Variants in ZP1 observed in about 807,000 individuals in gnomAD.
ZP1 encodes the protein zona pellucida glycoprotein 1.
ZP1 carries 58 observed loss-of-function variants against 67.4 expected under a neutral mutation model. The observed-to-expected ratio is 0.86, with a 90% CI of 0.70 to 1.07. ZP1 has a LOEUF of 1.07. Ranked by LOEUF, ZP1 falls within the 50% of genes least tolerant of loss-of-function variation. ZP1 has a pLI of 0.00. For missense variants in ZP1, 759 were observed against 807.3 expected (o/e 0.94, Z 0.72); for synonymous variants, 333 against 332.7 (o/e 1.00, Z -0.01).
Position 60,867,725 on chromosome 11 carries a change from G to T in ZP1, c.164G>T (p.Arg55Met), listed in dbSNP as rs774929736. Residue 55 changes from arginine to methionine, a missense_variant, in exon 1 of 12, where the codon AGG (arginine) becomes ATG (methionine). Arg to Met is a moderately conservative substitution (Grantham distance 91). Transcript: ENST00000278853. Reference protein sequence around the residue: ...IKGMQLLVFPRPGQTLRFKVV... With the variant: ...IKGMQLLVFPMPGQTLRFKVV... ...GGAATGCAGCTGCTGGTGTTCCCCAGGCCAGGCCAGACTCTCCGCTTCAAG... is the reference window on the plus strand; with the variant it reads ...GGAATGCAGCTGCTGGTGTTCCCCATGCCAGGCCAGACTCTCCGCTTCAAG... 1 of 1,613,994 alleles carries T rather than the reference G, an allele frequency of 6.2e-7. No individual in the cohort carries two copies.
At chr11:60,873,860 C>T (rs1855644475) in intron 9 of ZP1, 85 bp downstream of exon 9, 5 of 1,559,604 alleles carry the variant, frequency 3.2e-6, no homozygotes, top group East Asian at 2.3e-5. Context: ...ACCCTGTGAA[C>T]TTATATGGAC....
Position 60,873,544 on chromosome 11 carries a change from G to C in ZP1, c.1410G>C (p.Gln470His). 1 of 1,612,702 alleles carries C rather than the reference G, an allele frequency of 6.2e-7. No individual in the cohort carries two copies. The highest frequency in any genetic ancestry group is 8.5e-7 in the Non-Finnish European group (1 of 1,179,004). ...GTGCCAACCCCTTCCAGCAGCCCCAGTGGCCCATCCTGTCAGACGGGTGAG... is the reference window on the plus strand; with the variant it reads ...GTGCCAACCCCTTCCAGCAGCCCCACTGGCCCATCCTGTCAGACGGGTGAG... ...APSANPFQQP[Q>H]WPILSDGCPF... is the part of the protein sequence containing the mutation. The change falls in exon 8 of 12, where the codon CAG becomes CAC. Residue 470 changes from glutamine (Q) to histidine (H), a missense_variant. Physicochemically the swap from Gln to His is conservative, Grantham distance 24. Transcript: ENST00000278853.
At chr11:60,869,033 T>A in intron 1 of ZP1, 112 bp from the exon 2 acceptor site, 1 of 1,334,388 alleles carries the variant, frequency 7.5e-7, no homozygotes, top group Non-Finnish European at 1.0e-6. Context: ...ATAGCAAAGC[T>A]AAGGCAAGAA....
chr11:60,875,624 G>A lies in ZP1; in HGVS notation c.1885G>A (p.Ala629Thr). The A allele has an allele frequency of 2.5e-6, 4 of 1,614,186 alleles. No individual in the cohort carries two copies. Among genetic ancestry groups the A allele is most frequent in the Non-Finnish European group, 2.5e-6 (3 of 1,180,030 alleles). Residue 629 changes from alanine to threonine, a missense_variant, in exon 12 of 12, where the codon GCC becomes ACC. Physicochemically the swap from Ala to Thr is moderately conservative, Grantham distance 58. Transcript: ENST00000278853. ...CTTTGTGGGCCTGAGCCAGACCTGG[G>A]CCCAGAAGCTCTGGGAAAGCAACAG... ...GVFVGLSQTW[A>T]QKLWESNRQ
chr11:60,875,578 C>T lies in ZP1; in HGVS notation c.1839C>T (p.Ala613=). The T allele has an allele frequency of 6.2e-7, 1 of 1,614,178 alleles. No individual in the cohort carries two copies. The highest frequency in any genetic ancestry group is 8.5e-7 in the Non-Finnish European group (1 of 1,180,020). ...CGGTCCTTTTGCTGCCAGCTGTTGC[C>T]CTGGTCCTTGGGTTTGGTGTCTTTG... is the stretch of plus-strand genomic sequence containing the variant. ...LWAVLLLPAV[A]LVLGFGVFVG... Residue 613 remains alanine (A), a synonymous_variant, in exon 12 of 12, where the codon GCC becomes GCT. Coordinates refer to ENST00000278853, the MANE Select transcript of ZP1 (RefSeq NM_207341.4).
intron 2 of ZP1, 57 bp downstream of exon 2, chr11:60,869,323 C>A (rs756988221): frequency 6.2e-6 from 10 of 1,601,948 alleles, no homozygotes; most frequent in Non-Finnish European, 8.5e-6. Flanking sequence ...TCATGTCAGG[C>A]TGAAGAGGCC....
intron 1 of ZP1, among the ~76,000 whole-genome samples, chr11:60,868,685 G>A (rs1590590067): frequency 6.6e-6 from 1 of 152,200 alleles, no homozygotes. Context: ...GTTAACCTGG[G>A]AAATGGGTTC....
At position 60,867,902 on chromosome 11, in the gene ZP1, A is replaced by G. The variant is rs1004918417; in HGVS notation, c.196+145A>G. On this transcript the variant is annotated intron_variant, in intron 1 of 11. Coordinates refer to ENST00000278853, the MANE Select transcript of ZP1 (RefSeq NM_207341.4). ...CAGCCCCCCACCCCCTCACCACAGA[A>G]AAGGGCAAGGAGGAGAATCATCACC... 4.3e-6 allele frequency: 4 copies of G among 926,472 alleles called. No homozygotes were observed. In the African/African-American group the frequency reaches 5.1e-5, roughly 12 times the overall value. The allele number at this position is 926,472 out of a possible 1,614,324, so 57.4% of individuals were successfully genotyped here.
intron 1 of ZP1, 48 bp downstream of exon 1, chr11:60,867,805 C>T: frequency 6.3e-7 from 1 of 1,582,562 alleles, no homozygotes. Context: ...CCACGGGCTG[C>T]TGCCAGAAGG....
rs371924805 is a variant in ZP1 at position 60,875,192 on chromosome 11, C to T, written c.1718C>T (p.Pro573Leu). Residue 573 changes from proline to leucine, a missense_variant, in exon 11 of 12, where the codon CCG becomes CTG. By Grantham distance (98) the Pro-to-Leu change is moderately conservative (BLOSUM62 -3). Coordinates refer to ENST00000278853, the MANE Select transcript of ZP1 (RefSeq NM_207341.4). ...AGGCCCCAGGACATCGTGAGCTCTC[C>T]GGGGCCAGTGGGCTTTGAGGATTCT... ...TARPQDIVSS[P>L]GPVGFEDSYG... 82 of 1,613,660 alleles carry T rather than the reference C, an allele frequency of 5.1e-5. No homozygotes were observed. In the Admixed American group the frequency reaches 6.5e-4, roughly 13 times the overall value.
chr11:60,870,613 C>A, intron 4 of ZP1, 138 bp downstream of exon 4: 1 of 1,185,430 alleles, frequency 8.4e-7, no homozygotes, highest in Non-Finnish European at 1.2e-6. Context: ...GCAGAGGAGA[C>A]CTTTAGATGG....
rs760802235 is a variant in ZP1 at position 60,873,794 on chromosome 11, C to T, written c.1572+19C>T. On this transcript the variant is annotated intron_variant, in intron 9 of 11. Transcript: ENST00000278853. ...AGGACTGGTAAGAAGCCCCGGCTGC[C>T]GCATGCCTGGTCCCATCTGTTAAGT... The T allele has an allele frequency of 4.2e-5, 67 of 1,612,396 alleles. No individual in the cohort carries two copies. Among genetic ancestry groups the T allele is most frequent in the Admixed American group, 5.0e-5 (3 of 60,006 alleles).
At chr11:60,869,368 C>T (rs568578167) in intron 2 of ZP1, 102 bp downstream of exon 2, 40 of 1,543,522 alleles carry the variant, frequency 2.6e-5, no homozygotes, top group Non-Finnish European at 3.4e-5. Flanking sequence ...AGCCGAAGAT[C>T]TGTTGAGCTG....
chr11:60,870,599 G>A, intron 4 of ZP1, 124 bp downstream of exon 4: 1 of 1,322,648 alleles, frequency 7.6e-7, no homozygotes, highest in Non-Finnish European at 1.0e-6. Context: ...TCCCAGAGCA[G>A]ATGGCAGAGG....
chr11:60,871,657 C>T (rs926549309), intron 6 of ZP1, among the ~76,000 whole-genome samples: 4 of 152,216 alleles, frequency 2.6e-5, no homozygotes, highest in African/African-American at 9.6e-5. Flanking sequence ...AAAGTGTCCC[C>T]TTCCAGGTCC....
intron 3 of ZP1, 29 bp downstream of exon 3, chr11:60,869,929 C>G: frequency 1.3e-6 from 2 of 1,519,230 alleles, no homozygotes; most frequent in Non-Finnish European, 1.8e-6. Flanking sequence ...TGTACTTACC[C>G]TCTGTCTGGG....
rs3044654 is a variant in ZP1 at position 60,868,039 on chromosome 11, C to CTT, written c.196+297_196+298dup. ...AGGGCCAAGCCTCTGCATTTCTTTT[C>CTT]TTTTTTTTTTTTTTTTCTGAGACAG... On this transcript the variant is annotated intron_variant, in intron 1 of 11. Transcript: ENST00000278853. Among the ~76,000 whole-genome samples the CTT allele has an allele frequency of 2.3e-3, 328 of 140,644 alleles. 5 individuals are homozygous for CTT. Among genetic ancestry groups the CTT allele is most frequent in the East Asian group, 5.7e-3 (27 of 4,752 alleles). 92.3% of individuals were successfully genotyped at this position (140,644 alleles called of 152,430 possible).
chr11:60,874,869 C>A, intron 9 of ZP1, 64 bp from the exon 10 acceptor site: 1 of 1,527,860 alleles, frequency 6.5e-7, no homozygotes. Context: ...CCATGTCCTT[C>A]CCTTTGTGCT....
At chr11:60,867,807 G>A (rs1403383681) in intron 1 of ZP1, 50 bp downstream of exon 1, 2 of 1,580,720 alleles carry the variant, frequency 1.3e-6, no homozygotes, top group Non-Finnish European at 1.7e-6. Flanking sequence ...ACGGGCTGCT[G>A]CCAGAAGGGA....
Sources: gnomAD v4.1 joint callset for allele counts (sites outside exome capture counted in the v4.1 genomes callset) on GRCh38, gnomAD v4.1.1 for gene constraint, MANE v1.5 for transcripts, NCBI Gene and HGNC (gene_info 2026-07-23, HGNC 2026-07-21) for gene names.